The following DMRTB1 variants were observed in gnomAD, a reference collection of about 807,000 sequenced individuals.
DMRTB1 encodes DMRT like family B with proline rich C-terminal 1, also known as doublesex- and mab-3-related transcription factor B1.
DMRTB1 carries 9 observed loss-of-function variants against 25.2 expected under a neutral mutation model. The observed-to-expected ratio is 0.36, with a 90% CI of 0.22 to 0.62. The LOEUF (loss-of-function observed/expected upper bound fraction) is 0.62, where lower values mean the gene tolerates loss of function less well. Ranked by LOEUF, DMRTB1 falls within the 20% of genes least tolerant of loss-of-function variation. The probability of loss-of-function intolerance (pLI) is 0.71; values close to 1 mark genes in which losing one functional copy is unlikely to be tolerated. For synonymous variants in DMRTB1, 269 were observed against 238.1 expected, an observed-to-expected ratio of 1.13 and a Z score of -1.20; for missense variants, 551 against 499.3, an observed-to-expected ratio of 1.10 and a Z score of -0.99.
At chr1:53,465,283 C>G (rs1018920143) in intron 3 of DMRTB1, among the ~76,000 whole-genome samples, 9 of 152,126 alleles carry the variant, frequency 5.9e-5, no homozygotes, top group African/African-American at 2.2e-4. Context: ...CAGCAGGAAC[C>G]CGTGTGGTGG....
chr1:53,464,749 A>G lies in DMRTB1; in HGVS notation c.863A>G (p.Tyr288Cys). The change falls in exon 3 of 4, where the codon TAC becomes TGC. Residue 288 changes from tyrosine (Y) to cysteine (C), a missense_variant. Physicochemically the swap from Tyr to Cys is radical, Grantham distance 194. Coordinates refer to ENST00000371445, the MANE Select transcript of DMRTB1 (RefSeq NM_033067.3). ...CAGCCCCAGTTCCTCCCGCCAGGCT[A>G]CCTCTCTGCGCTCCACTTCCTCCCC... ...PPQPQFLPPG[Y>C]LSALHFLPPP... 2.5e-6 allele frequency: 4 copies of G among 1,612,712 alleles called. No homozygotes were observed. The highest frequency in any genetic ancestry group is 3.4e-6 in the Non-Finnish European group (4 of 1,179,390).
intron 3 of DMRTB1, among the ~76,000 whole-genome samples, chr1:53,465,334 C>A (rs929634631): frequency 6.6e-6 from 1 of 150,838 alleles, no homozygotes; most frequent in Non-Finnish European, 1.5e-5. Flanking sequence ...GGAACCAGAC[C>A]AGGAGCTAGA....
Position 53,466,839 on chromosome 1 carries a change from G to C in DMRTB1, c.*177G>C. 1 of 656,728 alleles carries C rather than the reference G, an allele frequency of 1.5e-6. No individual in the cohort carries two copies. The highest frequency in any genetic ancestry group is 2.6e-6 in the Non-Finnish European group (1 of 381,884). 40.7% of individuals were successfully genotyped at this position (656,728 alleles called of 1,614,324 possible). On this transcript the variant is annotated 3_prime_UTR_variant, in exon 4 of 4. Transcript: ENST00000371445. ...AATTTCTAAGTTTCAATCCTGCGCT[G>C]TACAGTTGAAGAAGAGTGTGGAGGA...
Position 53,464,755 on chromosome 1 carries a change from C to G in DMRTB1, c.869C>G (p.Ser290Cys), listed in dbSNP as rs769670161. The change falls in exon 3 of 4, where the codon TCT (serine) becomes TGT (cysteine). Residue 290 changes from serine to cysteine, a missense_variant. Physicochemically the swap from Ser to Cys is moderately radical, Grantham distance 112 (BLOSUM62 -1). Coordinates refer to ENST00000371445, the MANE Select transcript of DMRTB1 (RefSeq NM_033067.3). ...QPQFLPPGYL[S>C]ALHFLPPPPP... ...CAGTTCCTCCCGCCAGGCTACCTCT[C>G]TGCGCTCCACTTCCTCCCCCCGCCA... The G allele has an allele frequency of 6.2e-7, 1 of 1,613,564 alleles. No individual in the cohort carries two copies. The highest frequency in any genetic ancestry group is 8.5e-7 in the Non-Finnish European group (1 of 1,179,676).
rs547919415 is a variant in DMRTB1, at chr1:53,464,566, G to C, written c.751-71G>C. 17 of 1,610,126 alleles carry C rather than the reference G, an allele frequency of 1.1e-5. 1 individual carries two copies. The Admixed American group carries it at 1.5e-4, about 14-fold the overall frequency. ...CAGGAGCCCCCCACTTCAGGGGTGA[G>C]AGCTATGTTTGGTCAGCCCATCTGG... On this transcript the variant is annotated intron_variant, in intron 2 of 3. Coordinates refer to ENST00000371445, the MANE Select transcript of DMRTB1 (RefSeq NM_033067.3).
intron 2 of DMRTB1, among the ~76,000 whole-genome samples, chr1:53,464,426 C>T (rs1177991077): frequency 6.6e-6 from 1 of 152,206 alleles, no homozygotes; most frequent in South Asian, 2.1e-4. Flanking sequence ...TGTTCCCATG[C>T]TTATCTGAGG....
intron 1 of DMRTB1, chr1:53,460,649 A>G (rs879459534): frequency 6.6e-6 from 1 of 152,366 alleles, no homozygotes; most frequent in Non-Finnish European, 1.5e-5. Flanking sequence ...CCTTGTACAT[A>G]AATTACATTG....
In DMRTB1 at chr1:53,459,710, CCCCCGT is replaced by C. The variant is rs746877148; in HGVS notation, c.267_272del (p.Val90_Pro91del). On this transcript the variant is annotated inframe_deletion, in exon 1 of 4. Coordinates refer to ENST00000371445, the MANE Select transcript of DMRTB1 (RefSeq NM_033067.3). ...TCCGGGGCTGCGGCCGCCGCCCCCG[CCCCCGT>C]CCCCGTCCCGGCCGCGAGCCTCCGC... The C allele has an allele frequency of 1.3e-5, 18 of 1,435,738 alleles. No homozygotes were observed. The highest frequency in any genetic ancestry group is 4.5e-5 in the African/African-American group (3 of 66,080). The allele number at this position is 1,435,738 out of a possible 1,614,324, so 88.9% of individuals were successfully genotyped here.
In DMRTB1 at chr1:53,461,543, C is replaced by T. The variant is rs772441454; in HGVS notation, c.648C>T (p.Pro216=). The T allele has an allele frequency of 9.3e-6, 15 of 1,612,424 alleles. No homozygotes were observed. The highest frequency in any genetic ancestry group is 1.7e-5 in the Admixed American group (1 of 59,838). ...ACCCTGGTGGCTCCAGCATGCACCC[C>T]TACTGCCCGTTCCCGCTGGGCTACC... is the stretch of plus-strand genomic sequence containing the variant. ...PEYPGGSSMH[P]YCPFPLGYLD... Residue 216 remains proline (P), a synonymous_variant, in exon 2 of 4, where the codon CCC becomes CCT. Transcript: ENST00000371445.
chr1:53,466,523 A>G, intron 3 of DMRTB1, 72 bp from the exon 4 acceptor site: 1 of 1,418,712 alleles, frequency 7.0e-7, no homozygotes, highest in Non-Finnish European at 9.8e-7. Context: ...AAAAAAGAAA[A>G]TCTTCATCTG....
Position 53,464,663 on chromosome 1 carries a change from G to T in DMRTB1, c.777G>T (p.Gln259His), listed in dbSNP as rs1195475407. The stretch of plus-strand genomic sequence containing the variant: ...TGTCAGAACCAGGAGGAGACTTCCA[G>T]CCAAGCTACTACCTGCCGCCGCCGC... ...GLVSEPGGDF[Q>H]PSYYLPPPPP... Residue 259 changes from glutamine to histidine, a missense_variant, in exon 3 of 4, where the codon CAG (glutamine) becomes CAT (histidine). By Grantham distance (24) the Gln-to-His change is conservative (BLOSUM62 0). Transcript: ENST00000371445. The T allele has an allele frequency of 9.9e-6, 16 of 1,613,492 alleles. No homozygotes were observed. Among genetic ancestry groups the T allele is most frequent in the Non-Finnish European group, 1.2e-5 (14 of 1,180,016 alleles).
Position 53,459,907 on chromosome 1 carries a change from G to C in DMRTB1, c.454G>C (p.Val152Leu). 1 of 1,544,502 alleles carries C rather than the reference G, an allele frequency of 6.5e-7. No individual in the cohort carries two copies. Residue 152 changes from valine (V) to leucine (L), a missense_variant, in exon 1 of 4, where the codon GTG (valine) becomes CTG (leucine). Coordinates refer to ENST00000371445, the MANE Select transcript of DMRTB1 (RefSeq NM_033067.3). ...CGTGGAGCCGAGCGAGCGAGCCGCC[G>C]TGGCGATGCCCAGCCTTGCGGGACC... ...SHVEPSERAA[V>L]AMPSLAGPPF...
chr1:53,465,252 C>T (rs1177951835), intron 3 of DMRTB1, among the ~76,000 whole-genome samples: 3 of 152,124 alleles, frequency 2.0e-5, no homozygotes, highest in African/African-American at 7.2e-5. Flanking sequence ...GGTAGGGGAG[C>T]AGATGGAGAG....
chr1:53,462,670 G>C (rs1644028659), intron 2 of DMRTB1, among the ~76,000 whole-genome samples: 2 of 152,222 alleles, frequency 1.3e-5, no homozygotes, highest in African/African-American at 2.4e-5. Flanking sequence ...TTTTTGGCCA[G>C]GGTCACAAAA....
At position 53,464,859 on chromosome 1, in the gene DMRTB1, C is replaced by T; in HGVS notation, c.961+12C>T. The stretch of plus-strand genomic sequence containing the variant: ...CAAGGAGAACACTGGTGAGTGAGCT[C>T]CAGTCTTCCAGCTTCAGCGAGAGCC... On this transcript the variant is annotated intron_variant, in intron 3 of 3. Coordinates refer to ENST00000371445, the MANE Select transcript of DMRTB1 (RefSeq NM_033067.3). 1 of 1,613,644 alleles carries T rather than the reference C, an allele frequency of 6.2e-7. No homozygotes were observed. Among genetic ancestry groups the T allele is most frequent in the Non-Finnish European group, 8.5e-7 (1 of 1,180,024 alleles).
intron 2 of DMRTB1, 120 bp downstream of exon 2, chr1:53,461,765 C>T: frequency 1.6e-6 from 2 of 1,244,446 alleles, no homozygotes; most frequent in Non-Finnish European, 2.1e-6. Context: ...ATGCCAGCCC[C>T]CGAGTGCTGG....
Position 53,459,665 on chromosome 1 carries a change from C to T in DMRTB1, c.212C>T (p.Ala71Val), listed in dbSNP as rs1322671887. Residue 71 changes from alanine to valine, a missense_variant, in exon 1 of 4, where the codon GCG (alanine) becomes GTG (valine). Physicochemically the swap from Ala to Val is moderately conservative, Grantham distance 64 (BLOSUM62 0). Transcript: ENST00000371445. The part of the protein sequence containing the change: ...AEEEQEAALC[A>V]QGPKQASGAA... The stretch of plus-strand genomic sequence containing the variant: ...GAGGAGCAGGAGGCGGCCCTGTGTG[C>T]GCAGGGGCCCAAGCAGGCCTCCGGG... 4 of 1,547,710 alleles carry T rather than the reference C, an allele frequency of 2.6e-6. No individual in the cohort carries two copies. The highest frequency in any genetic ancestry group is 3.5e-6 in the Non-Finnish European group (4 of 1,146,712).
chr1:53,460,930 C>T (rs1260712644), intron 1 of DMRTB1, among the ~76,000 whole-genome samples: 1 of 152,204 alleles, frequency 6.6e-6, no homozygotes, highest in African/African-American at 2.4e-5. Context: ...GGGAACGTCC[C>T]ATCTGACAGG....
intron 1 of DMRTB1, 41 bp downstream of exon 1, chr1:53,460,071 G>A (rs1296903799): frequency 6.6e-7 from 1 of 1,515,414 alleles, no homozygotes; most frequent in Admixed American, 2.0e-5. Flanking sequence ...TCCCGGAGCT[G>A]GCAGCCCAGG....
Sources: gnomAD v4.1 joint callset for allele counts (sites outside exome capture counted in the v4.1 genomes callset) on GRCh38, gnomAD v4.1.1 for gene constraint, MANE v1.5 for transcripts, NCBI Gene and HGNC (gene_info 2026-07-23, HGNC 2026-07-21) for gene names.